The following DMXL1 variants were observed in gnomAD, a reference collection of about 807,000 sequenced individuals.
DMXL1 encodes dmX-like protein 1.
DMXL1 carries 99 observed loss-of-function variants against 319.2 expected under a neutral mutation model. That is an observed-to-expected ratio of 0.31 (90% confidence interval 0.26 to 0.37). The LOEUF (loss-of-function observed/expected upper bound fraction) is 0.37. Among genes scored for constraint, DMXL1 ranks in the 10% least tolerant of loss-of-function variants. The probability of loss-of-function intolerance (pLI) is 1.00; values close to 1 mark genes in which losing one functional copy is unlikely to be tolerated. For synonymous variants in DMXL1, 1,385 were observed against 1,235.2 expected (o/e 1.12, Z -2.54); for missense variants, 3,745 against 3,595.6 (o/e 1.04, Z -1.06).
intron 7 of DMXL1, among the ~76,000 whole-genome samples, chr5:119,116,899 C>T (rs1022516573): frequency 6.6e-6 from 1 of 152,008 alleles, no homozygotes; most frequent in Non-Finnish European, 1.5e-5. Flanking sequence ...CATACATATC[C>T]TCAGTATCTT....
chr5:119,229,415 T>C (rs918018229), intron 38 of DMXL1, among the ~76,000 whole-genome samples: 1 of 152,144 alleles, frequency 6.6e-6, no homozygotes, highest in African/African-American at 2.4e-5. Context: ...ACTTCTGATA[T>C]TAAGGCTCAT....
intron 9 of DMXL1, chr5:119,128,021 T>C: frequency 2.4e-6 from 1 of 416,346 alleles, no homozygotes; most frequent in South Asian, 2.0e-5. Flanking sequence ...ATCTGTTTTA[T>C]CATGATTCTC....
At position 119,170,744 on chromosome 5, in the gene DMXL1, G is replaced by C. The variant is rs79221508; in HGVS notation, c.5953G>C (p.Glu1985Gln). 1.5e-3 allele frequency: 2,402 copies of C among 1,612,396 alleles called. 41 individuals carry two copies. In the African/African-American group the frequency reaches 0.029, roughly 20 times the overall value. Residue 1985 changes from glutamate (E) to glutamine (Q), a missense_variant, in exon 24 of 44, where the codon GAA becomes CAA. By Grantham distance (29) the Glu-to-Gln change is conservative. This residue lies in a region of DMXL1 where 1,382 missense variants were observed against 1,269.5 expected (regional missense o/e 1.09). Transcript: ENST00000539542. The stretch of plus-strand genomic sequence containing the variant: ...TGAGGATGTCCCTATTTCAATGAAA[G>C]AACTAAAACCTTTACAGAGAAAAAC... ...ENEDVPISMK[E>Q]LKPLQRKTDK...
At chr5:119,141,938 T>C (rs991496681) in intron 13 of DMXL1, among the ~76,000 whole-genome samples, 2 of 145,492 alleles carry the variant, frequency 1.4e-5, no homozygotes, top group Non-Finnish European at 2.9e-5. Context: ...TGGAACACAA[T>C]AGAGAATCCA....
At chr5:119,160,099 G>A (rs1771956717) in intron 19 of DMXL1, among the ~76,000 whole-genome samples, 1 of 151,316 alleles carries the variant, frequency 6.6e-6, no homozygotes, top group Non-Finnish European at 1.5e-5. Flanking sequence ...TCCAATTTTT[G>A]TTCCTTGATG....
intron 20 of DMXL1, 121 bp from the exon 21 acceptor site, chr5:119,165,062 A>G: frequency 1.6e-6 from 1 of 639,626 alleles, no homozygotes; most frequent in East Asian, 2.8e-5. Flanking sequence ...CATATTATTC[A>G]TATACATATT....
chr5:119,152,621 G>A (rs926225449), intron 19 of DMXL1, among the ~76,000 whole-genome samples: 5 of 152,266 alleles, frequency 3.3e-5, no homozygotes, highest in Middle Eastern at 3.4e-3. Context: ...TTAGCATAAC[G>A]TAATAGATTC....
Position 119,116,213 on chromosome 5 carries a change from C to T in DMXL1, c.620C>T (p.Thr207Ile), listed in dbSNP as rs768230013. Reference protein sequence around the residue: ...YNVENWRTAVTSPDGSSEKQS... With the variant: ...YNVENWRTAVISPDGSSEKQS... Reference sequence around the variant, plus strand: ...GTAGAAAACTGGCGGACAGCTGTTACTTCTCCAGATGGAAGTTCAGAAAAA... The same window carrying T: ...GTAGAAAACTGGCGGACAGCTGTTATTTCTCCAGATGGAAGTTCAGAAAAA... Residue 207 changes from threonine to isoleucine, a missense_variant, in exon 7 of 44, where the codon ACT becomes ATT. Thr to Ile is a moderately conservative substitution (Grantham distance 89, BLOSUM62 -1). This residue lies in a region of DMXL1 where 2,096 missense variants were observed against 1,985.4 expected (regional missense o/e 1.06). Transcript: ENST00000539542. 12 of 1,613,810 alleles carry T rather than the reference C, an allele frequency of 7.4e-6. No individual in the cohort carries two copies. The highest frequency in any genetic ancestry group is 1.3e-5 in the African/African-American group (1 of 74,974).
intron 34 of DMXL1, among the ~76,000 whole-genome samples, chr5:119,207,541 C>T (rs1013100929): frequency 5.3e-5 from 8 of 152,064 alleles, no homozygotes; most frequent in South Asian, 2.1e-4. Context: ...ATTTTTGAGA[C>T]GGAGTTTCGC....
At chr5:119,145,299 A>T (rs906039226) in intron 15 of DMXL1, among the ~76,000 whole-genome samples, 1 of 151,828 alleles carries the variant, frequency 6.6e-6, no homozygotes, top group East Asian at 1.9e-4. Context: ...CTTTTACATC[A>T]TGTCTTTCTG....
intron 17 of DMXL1, chr5:119,147,704 CT>C: frequency 2.5e-6 from 1 of 396,838 alleles, no homozygotes. Context: ...TTTTCTTTGT[CT>C]TTTTGGGAAG....
At chr5:119,205,180 T>C (rs1046433079) in intron 33 of DMXL1, among the ~76,000 whole-genome samples, 1 of 152,144 alleles carries the variant, frequency 6.6e-6, no homozygotes, top group African/African-American at 2.4e-5. Flanking sequence ...CATATTTGAT[T>C]AATCTTAGAA....
At chr5:119,144,433 T>C (rs1436687271) in intron 14 of DMXL1, 103 bp from the exon 15 acceptor site, 4 of 845,722 alleles carry the variant, frequency 4.7e-6, no homozygotes, top group Non-Finnish European at 7.6e-6. Flanking sequence ...TGACTTCTTA[T>C]TCTGCCTTTA....
chr5:119,125,635 G>T (rs1230063768), intron 9 of DMXL1, among the ~76,000 whole-genome samples: 1 of 151,978 alleles, frequency 6.6e-6, no homozygotes, highest in Non-Finnish European at 1.5e-5. Context: ...TGTGATCTCG[G>T]CTCACAGCAA....
At chr5:119,215,418 G>A (rs951501745) in intron 34 of DMXL1, among the ~76,000 whole-genome samples, 8 of 151,826 alleles carry the variant, frequency 5.3e-5, no homozygotes, top group East Asian at 1.9e-4. Flanking sequence ...AGTGATTCTC[G>A]TGCCTCAGCC....
Position 119,122,802 on chromosome 5 carries a change from T to A in DMXL1, c.1102+1663T>A, listed in dbSNP as rs555317761. 2.4e-3 allele frequency among the ~76,000 whole-genome samples: 358 copies of A among 148,772 alleles called. 4 individuals are homozygous for A. The highest frequency in any genetic ancestry group is 0.021 in the Admixed American group (310 of 14,718). On this transcript the variant is annotated intron_variant, in intron 9 of 43. Coordinates refer to ENST00000539542, the MANE Select transcript of DMXL1 (RefSeq NM_001290321.3). ...AGATGGGATGGCGGCCGGGCAGAGA[T>A]GCTCCTCACTTTCCAGACTGGGCAG...
At chr5:119,191,925 T>A (rs924147391) in intron 29 of DMXL1, among the ~76,000 whole-genome samples, 2 of 152,248 alleles carry the variant, frequency 1.3e-5, no homozygotes, top group Non-Finnish European at 2.9e-5. Flanking sequence ...ATGTGTTATA[T>A]GCATGGGTCA....
chr5:119,181,030 T>C (rs1776684262), intron 28 of DMXL1, among the ~76,000 whole-genome samples: 1 of 152,210 alleles, frequency 6.6e-6, no homozygotes, highest in South Asian at 2.1e-4. Context: ...AGGAACCATA[T>C]TGAAAGTCCA....
In DMXL1 at chr5:119,133,645, CA is replaced by C. The variant is rs1476835953; in HGVS notation, c.1723del (p.Met575CysfsTer14). 1 of 1,614,072 alleles carries C rather than the reference CA, an allele frequency of 6.2e-7. No homozygotes were observed. Among genetic ancestry groups the C allele is most frequent in the Non-Finnish European group, 8.5e-7 (1 of 1,180,038 alleles). ...CCTTCTGGCCTCACCCGTTCCACATCAATGCTTATTTCTTCTGGTCACAATA... is the reference window on the plus strand; with the variant it reads ...CCTTCTGGCCTCACCCGTTCCACATCATGCTTATTTCTTCTGGTCACAATA... ...QKPSGLTRST[S>X]MLISSGHNKS... On this transcript the variant is annotated frameshift_variant, in exon 12 of 44. Transcript: ENST00000539542. LOFTEE classifies it high-confidence loss of function.
Sources: gnomAD v4.1 joint callset for allele counts (sites outside exome capture counted in the v4.1 genomes callset) on GRCh38, gnomAD v4.1.1 for gene constraint, gnomAD v4.1.1 regional missense constraint, MANE v1.5 for transcripts, NCBI Gene and HGNC (gene_info 2026-07-23, HGNC 2026-07-21) for gene names.